Variants in RBM44 observed in about 807,000 individuals in gnomAD.
The protein encoded by RBM44 is RNA binding motif protein 44.
In RBM44, 66 loss-of-function variants were observed where a neutral mutation model predicts 105.1. That is an observed-to-expected ratio of 0.63 (90% CI 0.52 to 0.77). RBM44 has a LOEUF of 0.77. RBM44 is among the 30% of genes least tolerant of loss of function. RBM44 has a pLI of 0.00. For synonymous variants in RBM44, 365 were observed against 417.6 expected (o/e 0.87, Z 1.54); for missense variants, 1,122 against 1,207.8 (o/e 0.93, Z 1.05).
At chr2:237,831,123 G>A (rs73086783) in intron 13 of RBM44, among the ~76,000 whole-genome samples, 9,466 of 150,798 alleles carry the variant, frequency 0.063, 969 homozygotes, top group African/African-American at 0.22. Context: ...TAGCAACTCC[G>A]CTTCCACTCA....
chr2:237,802,943 C>T (rs1333537546), intron 1 of RBM44, among the ~76,000 whole-genome samples: 2 of 152,200 alleles, frequency 1.3e-5, no homozygotes, highest in Non-Finnish European at 2.9e-5. Flanking sequence ...TGTCCACATC[C>T]TCACCAATAT....
At chr2:237,810,213 A>C (rs1263477224) in intron 1 of RBM44, among the ~76,000 whole-genome samples, 1 of 152,236 alleles carries the variant, frequency 6.6e-6, no homozygotes, top group Non-Finnish European at 1.5e-5. Flanking sequence ...CAAGTGTTTA[A>C]TAGCCATGTG....
At chr2:237,823,990 A>C (rs914007711) in intron 9 of RBM44, among the ~76,000 whole-genome samples, 3 of 152,188 alleles carry the variant, frequency 2.0e-5, no homozygotes, top group African/African-American at 7.2e-5. Context: ...TTTTCACTAA[A>C]GTACAGTTCA....
chr2:237,802,089 A>G (rs537215780), intron 1 of RBM44, among the ~76,000 whole-genome samples: 9 of 152,350 alleles, frequency 5.9e-5, no homozygotes, highest in African/African-American at 2.2e-4. Flanking sequence ...TCAATACTAA[A>G]TGAGTCCTAC....
chr2:237,806,372 C>G (rs940644519), intron 1 of RBM44, among the ~76,000 whole-genome samples: 1 of 152,174 alleles, frequency 6.6e-6, no homozygotes, highest in African/African-American at 2.4e-5. Context: ...TACTTCTCCT[C>G]TTTTATTATT....
intron 1 of RBM44, among the ~76,000 whole-genome samples, chr2:237,809,125 T>TC (rs905814250): frequency 6.6e-6 from 1 of 152,174 alleles, no homozygotes; most frequent in Non-Finnish European, 1.5e-5. Context: ...CAAGAATCCA[T>TC]CCATTTTAAT....
intron 13 of RBM44, among the ~76,000 whole-genome samples, chr2:237,830,689 C>A (rs1014422709): frequency 1.3e-5 from 2 of 152,128 alleles, no homozygotes; most frequent in Non-Finnish European, 2.9e-5. Context: ...ATTACCTTTG[C>A]ACCTTGGTCA....
chr2:237,832,590 G>GGGCC (rs944264488), intron 13 of RBM44, among the ~76,000 whole-genome samples: 1 of 152,196 alleles, frequency 6.6e-6, no homozygotes, highest in African/African-American at 2.4e-5. Flanking sequence ...GTTATAAAGA[G>GGGCC]GGCCGTACAG....
chr2:237,804,135 G>A (rs1047981832), intron 1 of RBM44, among the ~76,000 whole-genome samples: 1 of 152,178 alleles, frequency 6.6e-6, no homozygotes, highest in African/African-American at 2.4e-5. Context: ...CTCCCAAAGA[G>A]CTGGGATTAT....
intron 14 of RBM44, 61 bp from the exon 15 acceptor site, chr2:237,834,217 A>G: frequency 6.6e-7 from 1 of 1,524,464 alleles, no homozygotes; most frequent in Non-Finnish European, 8.9e-7. Flanking sequence ...TAACTTAGAT[A>G]TATTCAGAAT....
At position 237,821,743 on chromosome 2, in the gene RBM44, C is replaced by T; in HGVS notation, c.2121C>T (p.Val707=). 5 of 1,605,162 alleles carry T rather than the reference C, an allele frequency of 3.1e-6. No individual in the cohort carries two copies. Among genetic ancestry groups the T allele is most frequent in the Non-Finnish European group, 3.4e-6 (4 of 1,173,384 alleles). Residue 707 remains valine, a splice_region_variant and synonymous_variant, in exon 8 of 16, where the codon GTC becomes GTT. Coordinates refer to ENST00000316997, the MANE Select transcript of RBM44 (RefSeq NM_001080504.3). The part of the protein sequence containing the change: ...ASRLMKKETH[V]FSEADAEQDN... Reference sequence around the variant, plus strand: ...ATTTCTTCTGAAATGTTCTTTTTAGCTTTTCAGAAGCAGATGCTGAACAAG... The same window carrying T: ...ATTTCTTCTGAAATGTTCTTTTTAGTTTTTCAGAAGCAGATGCTGAACAAG...
chr2:237,831,905 C>T (rs528994965), intron 13 of RBM44, among the ~76,000 whole-genome samples: 22 of 152,226 alleles, frequency 1.4e-4, no homozygotes, highest in Admixed American at 5.9e-4. Flanking sequence ...AGTGAAGCTG[C>T]GTGGGGCCCT....
intron 8 of RBM44, among the ~76,000 whole-genome samples, chr2:237,823,123 A>T (rs1418267635): frequency 2.7e-5 from 4 of 146,070 alleles, no homozygotes; most frequent in African/African-American, 9.8e-5. Flanking sequence ...TATATATATA[A>T]TATATATATA....
At position 237,834,084 on chromosome 2, in the gene RBM44, C is replaced by A; in HGVS notation, c.2974C>A (p.Leu992Ile). 6.3e-7 allele frequency: 1 copy of A among 1,581,698 alleles called. No homozygotes were observed. The highest frequency in any genetic ancestry group is 8.6e-7 in the Non-Finnish European group (1 of 1,161,718). Residue 992 changes from leucine to isoleucine, a missense_variant, in exon 14 of 16, where the codon CTT becomes ATT. This residue lies in a region of RBM44 where 194 missense variants were observed against 225.5 expected (regional missense o/e 0.86). Coordinates refer to ENST00000316997, the MANE Select transcript of RBM44 (RefSeq NM_001080504.3). Reference sequence around the variant, plus strand: ...ATTCATACCTCCAAATACATTGAACCTTCGTAGCTTTACCAAGATCATAAA... The same window carrying A: ...ATTCATACCTCCAAATACATTGAACATTCGTAGCTTTACCAAGATCATAAA... ...VQFIPPNTLNLRSFTKIIKRL... is the reference protein window; with the variant it reads ...VQFIPPNTLNIRSFTKIIKRL...
chr2:237,829,536 T>G, intron 13 of RBM44, 34 bp downstream of exon 13: 1 of 1,549,348 alleles, frequency 6.5e-7, no homozygotes, highest in South Asian at 1.2e-5. Context: ...TAAATGGTCT[T>G]TGTACGTCAT....
chr2:237,837,533 CTGA>C (rs2061971669), intron 15 of RBM44, among the ~76,000 whole-genome samples: 1 of 152,174 alleles, frequency 6.6e-6, no homozygotes, highest in Non-Finnish European at 1.5e-5. Flanking sequence ...GAAGTAACTG[CTGA>C]TGCGGTAGAC....
Position 237,817,240 on chromosome 2 carries a change from C to A in RBM44, c.321C>A (p.Phe107Leu). 1 of 1,604,292 alleles carries A rather than the reference C, an allele frequency of 6.2e-7. No individual in the cohort carries two copies. The highest frequency in any genetic ancestry group is 1.1e-5 in the South Asian group (1 of 90,014). The change falls in exon 3 of 16, where the codon TTC becomes TTA. Residue 107 changes from phenylalanine (F) to leucine (L), a missense_variant. Phe to Leu is a conservative substitution (Grantham distance 22). Coordinates refer to ENST00000316997, the MANE Select transcript of RBM44 (RefSeq NM_001080504.3). The stretch of plus-strand genomic sequence containing the variant: ...TTGAAGACAGTACTGACTATGCTTT[C>A]TTGAATAAAACATATTCTATACCTT... ...SELEDSTDYA[F>L]LNKTYSIPYS...
chr2:237,818,436 G>A lies in RBM44; in HGVS notation c.1517G>A (p.Arg506Gln). The A allele has an allele frequency of 4.3e-6, 7 of 1,612,970 alleles. No homozygotes were observed. Among genetic ancestry groups the A allele is most frequent in the African/African-American group, 1.3e-5 (1 of 74,964 alleles). ...GAGATAACAATGATGAATAAAAAAC[G>A]ACCTGATGAATGGCAAAATGAGAAA... The part of the protein sequence containing the change: ...NTEITMMNKK[R>Q]PDEWQNEKQK... Residue 506 changes from arginine to glutamine, a missense_variant, in exon 3 of 16, where the codon CGA becomes CAA. By Grantham distance (43) the Arg-to-Gln change is conservative (BLOSUM62 1). Around this residue, in one of 3 missense-constraint regions of RBM44, gnomAD observed 918 missense variants for 955.3 expected, o/e 0.96. Coordinates refer to ENST00000316997, the MANE Select transcript of RBM44 (RefSeq NM_001080504.3). This position sits in a 1 kb window ranked among gnomAD's most constrained non-coding sequence, Gnocchi z 4.6.
At chr2:237,835,378 C>T (rs887996399) in intron 15 of RBM44, among the ~76,000 whole-genome samples, 5 of 152,046 alleles carry the variant, frequency 3.3e-5, no homozygotes, top group African/African-American at 4.8e-5. Context: ...CACTTTAAGT[C>T]GAAAGCTAGA....
Sources: gnomAD v4.1 joint callset for allele counts (sites outside exome capture counted in the v4.1 genomes callset) on GRCh38, gnomAD v4.1.1 for gene constraint, gnomAD v4.1.1 regional missense constraint, Gnocchi (gnomAD v3.1) non-coding constraint, MANE v1.5 for transcripts, NCBI Gene and HGNC (gene_info 2026-07-23, HGNC 2026-07-21) for gene names.